Variants in FRYL observed in about 807,000 individuals in gnomAD.
The protein encoded by FRYL is protein furry homolog-like.
FRYL carries 150 observed loss-of-function variants against 351.2 expected under a neutral mutation model. The observed-to-expected ratio is 0.43, with a 90% CI of 0.37 to 0.49. The LOEUF is 0.49. FRYL is among the 20% of genes least tolerant of loss of function. FRYL has a pLI of 0.00. For synonymous variants in FRYL, 1,153 were observed against 1,257.1 expected, an observed-to-expected ratio of 0.92 and a Z score of 1.75; for missense variants, 3,036 against 3,619.3, an observed-to-expected ratio of 0.84 and a Z score of 4.13.
chr4:48,623,142 T>C lies in FRYL; in HGVS notation c.158A>G (p.Asp53Gly). 2 of 1,578,930 alleles carry C rather than the reference T, an allele frequency of 1.3e-6. No individual in the cohort carries two copies. The highest frequency in any genetic ancestry group is 1.7e-6 in the Non-Finnish European group (2 of 1,163,192). ...TTGTCATACCTGATCAAACTGAAGATCTTCACCCCTCTGAAGAGATCTGGA... is the reference window on the plus strand; with the variant it reads ...TTGTCATACCTGATCAAACTGAAGACCTTCACCCCTCTGAAGAGATCTGGA... The part of the protein sequence containing the change: ...LLSRSLQRGE[D>G]LQFDQLISSM... Residue 53 changes from aspartate to glycine, a missense_variant, in exon 5 of 64, where the codon GAT (aspartate) becomes GGT (glycine). Asp to Gly is a moderately conservative substitution (Grantham distance 94). Transcript: ENST00000358350.
At chr4:48,760,637 G>A (rs1774306706) in intron 1 of FRYL, among the ~76,000 whole-genome samples, 1 of 151,946 alleles carries the variant, frequency 6.6e-6, no homozygotes, top group African/African-American at 2.4e-5. Context: ...GGAAAATGTT[G>A]TCATTCATCA....
intron 31 of FRYL, 76 bp downstream of exon 31, chr4:48,563,872 A>G: frequency 1.3e-6 from 2 of 1,499,358 alleles, no homozygotes; most frequent in East Asian, 2.3e-5. Context: ...GTGTCTTCCT[A>G]TTTTTGAATT....
intron 7 of FRYL, among the ~76,000 whole-genome samples, chr4:48,610,692 C>T (rs1244808687): frequency 2.1e-5 from 3 of 142,392 alleles, no homozygotes; most frequent in Admixed American, 1.4e-4. Context: ...ATATTATATA[C>T]ATATATTATA....
At chr4:48,508,129 C>CAGAT (rs1237127403) in intron 59 of FRYL, among the ~76,000 whole-genome samples, 1 of 152,090 alleles carries the variant, frequency 6.6e-6, no homozygotes, top group East Asian at 1.9e-4. Flanking sequence ...GTAAGTAAAC[C>CAGAT]AGATAGCTGT....
At chr4:48,523,208 G>T (rs773847492) in intron 53 of FRYL, 104 bp from the exon 54 acceptor site, 6 of 710,334 alleles carry the variant, frequency 8.4e-6, no homozygotes, top group Non-Finnish European at 1.4e-5. Context: ...AATACTTAAT[G>T]CATCATTAAA....
At chr4:48,507,871 C>T (rs980249991) in intron 59 of FRYL, among the ~76,000 whole-genome samples, 2 of 152,140 alleles carry the variant, frequency 1.3e-5, no homozygotes, top group Non-Finnish European at 2.9e-5. Flanking sequence ...GGCTACAAAA[C>T]CACACAGCAG....
At position 48,595,463 on chromosome 4, in the gene FRYL, G is replaced by C. The variant is rs538655063; in HGVS notation, c.1248+127C>G. The C allele has an allele frequency of 9.5e-6, 5 of 525,234 alleles. No individual in the cohort carries two copies. In the East Asian group the frequency reaches 1.3e-4, roughly 14 times the overall value. The allele number at this position is 525,234 out of a possible 1,614,324, so 32.5% of individuals were successfully genotyped here. ...TTTCTTTCCAAGTGTGTAGATTAAT[G>C]AAATAAACTTATTCAATGTTGTATT... On this transcript the variant is annotated intron_variant, in intron 15 of 63. Coordinates refer to ENST00000358350, the MANE Select transcript of FRYL (RefSeq NM_015030.2).
chr4:48,610,550 A>G (rs1747858851), intron 7 of FRYL, among the ~76,000 whole-genome samples: 1 of 150,356 alleles, frequency 6.7e-6, no homozygotes, highest in African/African-American at 2.4e-5. Flanking sequence ...TCTAACAGCC[A>G]CTCAATATGT....
At chr4:48,519,708 C>T (rs991137483) in intron 55 of FRYL, among the ~76,000 whole-genome samples, 44 of 148,326 alleles carry the variant, frequency 3.0e-4, no homozygotes, top group African/African-American at 1.0e-3. Flanking sequence ...TCACCATGTT[C>T]GCCAGGATGG....
intron 48 of FRYL, 67 bp downstream of exon 48, chr4:48,535,590 C>CACAT: frequency 2.6e-6 from 2 of 784,110 alleles, no homozygotes; most frequent in Non-Finnish European, 3.7e-6. Flanking sequence ...TACACATACA[C>CACAT]ACACACACAC....
intron 59 of FRYL, among the ~76,000 whole-genome samples, chr4:48,509,481 T>A (rs1180488734): frequency 6.6e-6 from 1 of 152,216 alleles, no homozygotes; most frequent in Admixed American, 6.5e-5. Context: ...TCTAGAAAAA[T>A]AATTACCTAC....
intron 13 of FRYL, among the ~76,000 whole-genome samples, chr4:48,597,455 G>GT (rs1744820915): frequency 6.6e-6 from 1 of 152,084 alleles, no homozygotes; most frequent in South Asian, 2.1e-4. Flanking sequence ...TTTAACAAAT[G>GT]TATCACTCTG....
intron 18 of FRYL, among the ~76,000 whole-genome samples, chr4:48,588,223 G>T (rs979417434): frequency 2.0e-5 from 3 of 152,156 alleles, no homozygotes; most frequent in African/African-American, 7.2e-5. Flanking sequence ...TCAAAAGAGG[G>T]TATTGGCTAA....
intron 3 of FRYL, among the ~76,000 whole-genome samples, chr4:48,669,029 C>A (rs1307101621): frequency 6.6e-6 from 1 of 152,104 alleles, no homozygotes; most frequent in African/African-American, 2.4e-5. Flanking sequence ...AAAACCGTAT[C>A]TTTATTTTTT....
intron 18 of FRYL, among the ~76,000 whole-genome samples, chr4:48,587,998 C>G (rs1742496786): frequency 6.6e-6 from 1 of 152,160 alleles, no homozygotes; most frequent in African/African-American, 2.4e-5. Flanking sequence ...TTTAAGCTAC[C>G]ATACATTAAG....
chr4:48,633,783 T>A (rs893440457), intron 4 of FRYL, among the ~76,000 whole-genome samples: 3 of 152,168 alleles, frequency 2.0e-5, no homozygotes, highest in Non-Finnish European at 4.4e-5. Context: ...CTATGTACAA[T>A]AACTAAATAG....
chr4:48,740,080 T>A (rs1771877493), intron 1 of FRYL, among the ~76,000 whole-genome samples: 1 of 152,076 alleles, frequency 6.6e-6, no homozygotes, highest in South Asian at 2.1e-4. Context: ...TTACCTAGTT[T>A]CAGGTAATTT....
intron 9 of FRYL, among the ~76,000 whole-genome samples, chr4:48,608,643 C>T (rs1366048829): frequency 1.3e-5 from 2 of 152,106 alleles, no homozygotes; most frequent in Non-Finnish European, 2.9e-5. Context: ...AAAGTTCTCA[C>T]TTGGAAAATA....
intron 49 of FRYL, among the ~76,000 whole-genome samples, chr4:48,533,659 A>T (rs1158842648): frequency 6.6e-6 from 1 of 152,172 alleles, no homozygotes; most frequent in Non-Finnish European, 1.5e-5. Flanking sequence ...CATCCTACTG[A>T]TCTGCTCAGC....
Sources: allele counts gnomAD v4.1 joint callset (sites outside exome capture counted in the v4.1 genomes callset), GRCh38; gene constraint gnomAD v4.1.1; transcripts MANE v1.5; gene names NCBI Gene and HGNC (gene_info 2026-07-23, HGNC 2026-07-21).